Variants in HADHA observed in about 807,000 individuals in gnomAD.
HADHA encodes trifunctional enzyme subunit alpha, mitochondrial.
In HADHA, 59 loss-of-function variants were observed where a neutral mutation model predicts 91.3. The ratio of observed to expected loss-of-function variants is 0.65; its 90% confidence interval spans 0.52 to 0.80. The LOEUF (loss-of-function observed/expected upper bound fraction) is 0.80, where lower values mean the gene tolerates loss of function less well. Among genes scored for constraint, HADHA ranks in the 30% least tolerant of loss-of-function variants. The pLI, the probability that HADHA is intolerant of heterozygous loss-of-function variation, is 0.00. For synonymous variants in HADHA, 320 were observed against 338.9 expected, an observed-to-expected ratio of 0.94 and a Z score of 0.61; for missense variants, 800 against 927.6, an observed-to-expected ratio of 0.86 and a Z score of 1.79.
In HADHA at chr2:26,191,200, C is replaced by A. The variant is rs913184132; in HGVS notation, c.*50G>T. On this transcript the variant is annotated 3_prime_UTR_variant, in exon 20 of 20. Transcript: ENST00000380649. The stretch of plus-strand genomic sequence containing the variant: ...ACACCACTCTGTTGGAGAACCAGCA[C>A]TGCCGGCAGCTGGGGTTAGTGCACT... 2 of 1,587,744 alleles carry A rather than the reference C, an allele frequency of 1.3e-6. No individual in the cohort carries two copies. Among genetic ancestry groups the A allele is most frequent in the Non-Finnish European group, 1.7e-6 (2 of 1,157,714 alleles).
intron 17 of HADHA, among the ~76,000 whole-genome samples, chr2:26,193,235 G>C (rs1348544720): frequency 6.7e-6 from 1 of 149,386 alleles, no homozygotes; most frequent in African/African-American, 2.5e-5. Flanking sequence ...CAGAAGGGTA[G>C]AACTCTGCCT....
At chr2:26,234,445 C>G (rs1174085674) in intron 4 of HADHA, 90 bp from the exon 5 acceptor site, 23 of 1,095,492 alleles carry the variant, frequency 2.1e-5, no homozygotes, top group Middle Eastern at 2.3e-4. Flanking sequence ...CTTATCCTAT[C>G]ATGCATCAAT....
Position 26,214,376 on chromosome 2 carries a change from A to G in HADHA, c.918+67T>C, listed in dbSNP as rs1670167735. Reference sequence around the variant, plus strand: ...TCAACATACATGGTCCAGAATGGCAATAAGGAGGAGTGATCTATATAAAGG... The same window carrying G: ...TCAACATACATGGTCCAGAATGGCAGTAAGGAGGAGTGATCTATATAAAGG... On this transcript the variant is annotated intron_variant, in intron 9 of 19. Transcript: ENST00000380649. The surrounding 1 kb of genome is among the most constrained non-coding windows in gnomAD (Gnocchi z 4.1). The G allele has an allele frequency of 6.1e-6, 5 of 825,778 alleles. No individual in the cohort carries two copies. Among genetic ancestry groups the G allele is most frequent in the South Asian group, 4.0e-5 (3 of 75,164 alleles). The allele number at this position is 825,778 out of a possible 1,614,324, so 51.2% of individuals were successfully genotyped here. A position where few individuals can be genotyped will look rare whatever the true frequency, so the allele number is the denominator to read the frequency against.
chr2:26,191,534 C>G lies in HADHA; in HGVS notation c.2095G>C (p.Glu699Gln). 1 of 1,614,198 alleles carries G rather than the reference C, an allele frequency of 6.2e-7. No homozygotes were observed. The highest frequency in any genetic ancestry group is 1.1e-5 in the South Asian group (1 of 91,090). Residue 699 changes from glutamate to glutamine, a missense_variant, in exon 19 of 20, where the codon GAG (glutamate) becomes CAG (glutamine). Physicochemically the swap from Glu to Gln is conservative, Grantham distance 29. Transcript: ENST00000380649. ...LQEGILATPA[E>Q]GDIGAVFGLG... ...CCAAAGACGGCTCCGATGTCTCCCTCTGCAGGTGTGGCCAAGATCCCCTCT... is the reference window on the plus strand; with the variant it reads ...CCAAAGACGGCTCCGATGTCTCCCTGTGCAGGTGTGGCCAAGATCCCCTCT...
chr2:26,218,190 T>C (rs1670283777), intron 7 of HADHA, among the ~76,000 whole-genome samples: 1 of 151,618 alleles, frequency 6.6e-6, no homozygotes, highest in Non-Finnish European at 1.5e-5. Flanking sequence ...ATTCCAGCTA[T>C]CCAGGAGGCT....
At chr2:26,193,188 C>T (rs1669561723) in intron 17 of HADHA, among the ~76,000 whole-genome samples, 1 of 151,896 alleles carries the variant, frequency 6.6e-6, no homozygotes, top group African/African-American at 2.4e-5. Flanking sequence ...AATGCTTGTC[C>T]ATCTGGCATA....
intron 17 of HADHA, 76 bp downstream of exon 17, chr2:26,193,501 G>T: frequency 8.2e-7 from 1 of 1,218,680 alleles, no homozygotes; most frequent in Non-Finnish European, 1.2e-6. Flanking sequence ...GAGGGCTTCT[G>T]TAACTCTTTG....
intron 12 of HADHA, among the ~76,000 whole-genome samples, chr2:26,202,329 C>G (rs1298387393): frequency 6.6e-6 from 1 of 152,194 alleles, no homozygotes; most frequent in Admixed American, 6.5e-5. Flanking sequence ...ACCACACTTT[C>G]AGAATAAATT....
chr2:26,230,912 T>C (rs555800287), intron 6 of HADHA, among the ~76,000 whole-genome samples: 1 of 152,152 alleles, frequency 6.6e-6, no homozygotes, highest in African/African-American at 2.4e-5. Context: ...CAAAAGTGAC[T>C]CTGTCCCAAA....
At chr2:26,204,706 C>T (rs140040075) in intron 11 of HADHA, among the ~76,000 whole-genome samples, 120 of 152,216 alleles carry the variant, frequency 7.9e-4, no homozygotes, top group Non-Finnish European at 1.4e-3. Context: ...GCCTCAGTCT[C>T]CTGAGTAGCT....
Position 26,232,151 on chromosome 2 carries a change from T to TA in HADHA, c.573+8dup, listed in dbSNP as rs112196218. On this transcript the variant is annotated intron_variant, in intron 6 of 19. Coordinates refer to ENST00000380649, the MANE Select transcript of HADHA (RefSeq NM_000182.5). ...GCATATAGCTTCACAAAGGGGATGT[T>TA]AGACTCACCATTTTGGGCAGCCTTT... is the stretch of plus-strand genomic sequence containing the variant. The TA allele has an allele frequency of 1.4e-3, 2,263 of 1,606,826 alleles. 18 individuals are homozygous for TA. In the African/African-American group the frequency reaches 0.019, roughly 13 times the overall value.
intron 11 of HADHA, among the ~76,000 whole-genome samples, chr2:26,207,408 T>A (rs928116929): frequency 6.6e-6 from 1 of 152,088 alleles, no homozygotes; most frequent in Non-Finnish European, 1.5e-5. Flanking sequence ...AAAACTGTGT[T>A]TAAAGCTTTT....
At chr2:26,194,111 A>G (rs1669591457) in intron 16 of HADHA, among the ~76,000 whole-genome samples, 1 of 152,186 alleles carries the variant, frequency 6.6e-6, no homozygotes. Context: ...ACATCATCAA[A>G]GAGGAGCACT....
In HADHA at chr2:26,216,090, A is replaced by G. The variant is rs1294607215; in HGVS notation, c.677-915T>C. ...CAAGACCAGCCTGGGCAACATAGTG[A>G]GACCCCACCTCTATTTAAAAGGAAT... On this transcript the variant is annotated intron_variant, in intron 7 of 19. Transcript: ENST00000380649. Among the ~76,000 whole-genome samples the G allele has an allele frequency of 2.6e-5, 4 of 152,190 alleles. 1 individual carries two copies. The highest frequency in any genetic ancestry group is 9.7e-5 in the African/African-American group (4 of 41,442).
At chr2:26,215,469 C>A (rs1407688405) in intron 7 of HADHA, among the ~76,000 whole-genome samples, 1 of 152,152 alleles carries the variant, frequency 6.6e-6, no homozygotes, top group South Asian at 2.1e-4. Context: ...ATGTCTACTG[C>A]AACCTGCATT....
chr2:26,191,768 G>T, intron 18 of HADHA, 140 bp from the exon 19 acceptor site: 1 of 852,242 alleles, frequency 1.2e-6, no homozygotes, highest in Non-Finnish European at 2.0e-6. Flanking sequence ...AGAAGATGCT[G>T]CCTGGGTGAA....
intron 9 of HADHA, among the ~76,000 whole-genome samples, chr2:26,213,475 C>G (rs1243648345): frequency 6.6e-6 from 1 of 152,190 alleles, no homozygotes; most frequent in Non-Finnish European, 1.5e-5. Flanking sequence ...AGACTAACAT[C>G]TCATTATCCC....
intron 7 of HADHA, among the ~76,000 whole-genome samples, chr2:26,218,560 C>T (rs890580787): frequency 5.3e-5 from 8 of 152,000 alleles, no homozygotes; most frequent in Non-Finnish European, 1.0e-4. Context: ...TTTTTATTCT[C>T]CTTAAGAGAT....
At chr2:26,206,814 T>G (rs1265563440) in intron 11 of HADHA, among the ~76,000 whole-genome samples, 1 of 152,204 alleles carries the variant, frequency 6.6e-6, no homozygotes. Context: ...TTACCTGATA[T>G]GTACTAATCT....
Sources: gnomAD v4.1 joint callset for allele counts (sites outside exome capture counted in the v4.1 genomes callset) on GRCh38, gnomAD v4.1.1 for gene constraint, Gnocchi (gnomAD v3.1) non-coding constraint, MANE v1.5 for transcripts, NCBI Gene and HGNC (gene_info 2026-07-23, HGNC 2026-07-21) for gene names.